TNPO3: variants seen among roughly 807,000 people sequenced by gnomAD.
TNPO3 encodes transportin-3.
TNPO3 carries 65 observed loss-of-function variants against 122.8 expected under a neutral mutation model. The observed-to-expected ratio is 0.53, with a 90% CI of 0.43 to 0.65. TNPO3 has a LOEUF of 0.65. Ranked by LOEUF, TNPO3 falls within the 30% of genes least tolerant of loss-of-function variation. The probability of loss-of-function intolerance (pLI) is 0.00; values close to 1 mark genes in which losing one functional copy is unlikely to be tolerated. For synonymous variants in TNPO3, 372 were observed against 411.2 expected, an observed-to-expected ratio of 0.90 and a Z score of 1.15; for missense variants, 850 against 1,136.7, an observed-to-expected ratio of 0.75 and a Z score of 3.63.
At chr7:129,007,767 G>A (rs1366493684) in intron 4 of TNPO3, among the ~76,000 whole-genome samples, 2 of 152,230 alleles carry the variant, frequency 1.3e-5, no homozygotes, top group Non-Finnish European at 2.9e-5. Flanking sequence ...ATACACATAA[G>A]TTTATGTCTA....
chr7:129,037,854 G>A (rs1806882660), intron 1 of TNPO3, among the ~76,000 whole-genome samples: 1 of 151,814 alleles, frequency 6.6e-6, no homozygotes, highest in Non-Finnish European at 1.5e-5. Flanking sequence ...CACCATGAGA[G>A]GTCTCCTACC....
At chr7:129,029,263 T>C (rs552061361) in intron 1 of TNPO3, 1 of 158,114 alleles carries the variant, frequency 6.3e-6, no homozygotes, top group South Asian at 1.8e-4. Context: ...TTAAGTACAC[T>C]GCCAATAATG....
At chr7:129,049,584 GACTAA>G (rs1315653431) in intron 1 of TNPO3, among the ~76,000 whole-genome samples, 1 of 152,204 alleles carries the variant, frequency 6.6e-6, no homozygotes, top group East Asian at 1.9e-4. Context: ...TGTTTAAAAT[GACTAA>G]ACTAACTGAT....
At chr7:128,970,429 C>G in intron 19 of TNPO3, 114 bp from the exon 20 acceptor site, 1 of 920,402 alleles carries the variant, frequency 1.1e-6, no homozygotes, top group Non-Finnish European at 1.6e-6. Context: ...TGTGTGTGTG[C>G]ACGCGTGGCT....
At chr7:128,988,460 C>G (rs895685923) in intron 11 of TNPO3, among the ~76,000 whole-genome samples, 8 of 152,126 alleles carry the variant, frequency 5.3e-5, no homozygotes, top group Non-Finnish European at 1.2e-4. Context: ...CCAAGCAACT[C>G]TAATAATGTA....
chr7:129,044,425 T>C lies in TNPO3; in HGVS notation c.120+10226A>G, dbSNP rs558864301. 2.1e-3 allele frequency among the ~76,000 whole-genome samples: 319 copies of C among 152,216 alleles called. 1 individual carries two copies. The highest frequency in any genetic ancestry group is 3.8e-3 in the Non-Finnish European group (260 of 68,002). ...GCTGTGGGCTTGAGAAAAAAATAAGTAAAAACCATTATGCAAACTCTGTTA... is the reference window on the plus strand; with the variant it reads ...GCTGTGGGCTTGAGAAAAAAATAAGCAAAAACCATTATGCAAACTCTGTTA... On this transcript the variant is annotated intron_variant, in intron 1 of 22. Coordinates refer to ENST00000265388, the MANE Select transcript of TNPO3 (RefSeq NM_012470.4).
chr7:129,016,118 C>T (rs1584574283), intron 3 of TNPO3, among the ~76,000 whole-genome samples: 1 of 151,968 alleles, frequency 6.6e-6, no homozygotes, highest in Non-Finnish European at 1.5e-5. Context: ...AAAAAGTTAT[C>T]CAAGCTGGAT....
intron 5 of TNPO3, among the ~76,000 whole-genome samples, chr7:129,003,227 A>AAAAT (rs1584565979): frequency 6.6e-6 from 1 of 151,526 alleles, no homozygotes; most frequent in East Asian, 1.9e-4. Context: ...CTCTGTCTCA[A>AAAAT]AAATAAATAA....
At chr7:129,054,578 G>C (rs1809247010) in intron 1 of TNPO3, 73 bp downstream of exon 1, 1 of 1,592,160 alleles carries the variant, frequency 6.3e-7, no homozygotes, top group South Asian at 1.1e-5. Context: ...GCCGGGCTCA[G>C]GTTCTCCCCC....
At chr7:128,975,071 C>T in intron 17 of TNPO3, 109 bp from the exon 18 acceptor site, 1 of 801,326 alleles carries the variant, frequency 1.2e-6, no homozygotes, top group South Asian at 1.7e-5. Context: ...AGAAGAAAAG[C>T]ACAGCTGGGA....
At chr7:128,956,523 A>G (rs1373525854) in intron 22 of TNPO3, among the ~76,000 whole-genome samples, 1 of 152,210 alleles carries the variant, frequency 6.6e-6, no homozygotes, top group Non-Finnish European at 1.5e-5. Context: ...CATCCCTAAC[A>G]GCTGAAACTT....
intron 1 of TNPO3, among the ~76,000 whole-genome samples, chr7:129,050,684 T>A (rs1808652157): frequency 6.6e-6 from 1 of 152,110 alleles, no homozygotes; most frequent in African/African-American, 2.4e-5. Flanking sequence ...ACATACTTAG[T>A]TGTGAGATCC....
chr7:129,001,840 T>G (rs1801984786), intron 5 of TNPO3, among the ~76,000 whole-genome samples: 1 of 152,172 alleles, frequency 6.6e-6, no homozygotes, highest in Non-Finnish European at 1.5e-5. Context: ...CACCAGCCCC[T>G]CCAAATGGAA....
intron 2 of TNPO3, among the ~76,000 whole-genome samples, chr7:129,017,711 T>C (rs150787803): frequency 4.5e-4 from 68 of 152,352 alleles, no homozygotes; most frequent in African/African-American, 1.5e-3. Context: ...ACCTCTGACC[T>C]AGCATGCCTG....
rs1234997324 is a variant in TNPO3, at chr7:129,018,055, A to G, written c.223T>C (p.Phe75Leu). Residue 75 changes from phenylalanine to leucine, a missense_variant, in exon 2 of 23, where the codon TTT becomes CTT. Transcript: ENST00000265388. ...TGAGAGTCTGTGGGGAGCTCATAAA[A>G]TGAGGTCTGAATCTTCATTTTCATG... ...QTMKMKIQTS[F>L]YELPTDSHAS... The G allele has an allele frequency of 6.2e-7, 1 of 1,614,196 alleles. No homozygotes were observed.
intron 1 of TNPO3, among the ~76,000 whole-genome samples, chr7:129,035,869 A>C (rs1367678927): frequency 1.3e-5 from 2 of 152,162 alleles, no homozygotes; most frequent in Non-Finnish European, 2.9e-5. Flanking sequence ...GATAAATCTA[A>C]ATAGTGAGGC....
intron 1 of TNPO3, chr7:129,041,594 A>G: frequency 1.0e-6 from 1 of 985,486 alleles, no homozygotes; most frequent in Non-Finnish European, 1.2e-6. Flanking sequence ...GCCAGGTGCT[A>G]CCCACTGAAA....
chr7:128,984,866 T>C lies in TNPO3; in HGVS notation c.1691-607A>G, dbSNP rs191007906. ...AAAAGCCTCCTACCCCCTTTCTTTT[T>C]CCCTCCTAAACAAATCTTGACTTAG... On this transcript the variant is annotated intron_variant, in intron 12 of 22. Coordinates refer to ENST00000265388, the MANE Select transcript of TNPO3 (RefSeq NM_012470.4). 1.3e-3 allele frequency among the ~76,000 whole-genome samples: 198 copies of C among 152,298 alleles called. 1 individual carries two copies. Among genetic ancestry groups the C allele is most frequent in the African/African-American group, 4.5e-3 (188 of 41,552 alleles).
intron 1 of TNPO3, 81 bp downstream of exon 1, chr7:129,054,570 C>T: frequency 1.1e-5 from 18 of 1,580,784 alleles, no homozygotes; most frequent in Non-Finnish European, 1.4e-5. Flanking sequence ...GGTCAACTGC[C>T]GGGCTCAGGT....
Sources: allele counts gnomAD v4.1 joint callset (sites outside exome capture counted in the v4.1 genomes callset), GRCh38; gene constraint gnomAD v4.1.1; transcripts MANE v1.5; gene names NCBI Gene and HGNC (gene_info 2026-07-23, HGNC 2026-07-21).